Variants in PTGIS observed in about 807,000 individuals in gnomAD.
The protein encoded by PTGIS is prostacyclin synthase.
Under a neutral mutation model 50.3 loss-of-function variants are expected in PTGIS, and 45 were observed. The observed-to-expected ratio is 0.90, with a 90% CI of 0.70 to 1.15. PTGIS has a LOEUF of 1.15. Among genes scored for constraint, PTGIS ranks in the 50% most tolerant of loss-of-function variants. The pLI, the probability that PTGIS is intolerant of heterozygous loss-of-function variation, is 0.00. For missense variants in PTGIS, 668 were observed against 661.3 expected (o/e 1.01, Z -0.11); for synonymous variants, 260 against 267.7 (o/e 0.97, Z 0.28).
intron 5 of PTGIS, among the ~76,000 whole-genome samples, chr20:49,536,487 TTTTTTTTTTTTG>T (rs1982077030): frequency 7.0e-6 from 1 of 142,302 alleles, no homozygotes; most frequent in Admixed American, 6.9e-5. Flanking sequence ...TCTTTTTTTT[TTTTTTTTTTTTG>T]AGACGGAGTC....
At chr20:49,534,506 A>T (rs1982022762) in intron 5 of PTGIS, among the ~76,000 whole-genome samples, 1 of 152,126 alleles carries the variant, frequency 6.6e-6, no homozygotes, top group Admixed American at 6.6e-5. Context: ...CTCTGCGTCT[A>T]ATCAGACTCC....
intron 2 of PTGIS, 98 bp from the exon 3 acceptor site, chr20:49,548,117 T>G: frequency 8.9e-7 from 1 of 1,119,324 alleles, no homozygotes; most frequent in Non-Finnish European, 1.3e-6. Flanking sequence ...ACTGCCCCAC[T>G]GGACAGTAAC....
At chr20:49,544,579 T>A in intron 3 of PTGIS, 131 bp from the exon 4 acceptor site, 2 of 921,744 alleles carry the variant, frequency 2.2e-6, no homozygotes, top group Non-Finnish European at 3.4e-6. Context: ...TGCGGAAGAG[T>A]AGCTTAAATA....
At chr20:49,546,629 T>C (rs1462157288) in intron 3 of PTGIS, among the ~76,000 whole-genome samples, 1 of 152,214 alleles carries the variant, frequency 6.6e-6, no homozygotes, top group East Asian at 1.9e-4. Flanking sequence ...GTGAAGTCAG[T>C]GGACCTGGGT....
intron 1 of PTGIS, among the ~76,000 whole-genome samples, chr20:49,564,972 CTTTT>C (rs397864477): frequency 1.5e-5 from 2 of 136,084 alleles, no homozygotes; most frequent in Non-Finnish European, 1.6e-5. Context: ...CTTGTTTGCC[CTTTT>C]TTTTTTTTTT....
intron 9 of PTGIS, 112 bp downstream of exon 9, chr20:49,510,916 G>A: frequency 2.0e-6 from 2 of 1,013,768 alleles, no homozygotes; most frequent in Non-Finnish European, 3.1e-6. Flanking sequence ...CTGTCCATGT[G>A]AAGCCTCTGC....
intron 1 of PTGIS, among the ~76,000 whole-genome samples, chr20:49,553,737 A>G (rs995127985): frequency 5.3e-5 from 8 of 151,900 alleles, no homozygotes; most frequent in African/African-American, 1.9e-4. Context: ...TGTAAAGAAA[A>G]TTATAAAGGG....
chr20:49,554,946 T>A (rs955677371), intron 1 of PTGIS, among the ~76,000 whole-genome samples: 1 of 152,194 alleles, frequency 6.6e-6, no homozygotes, highest in Non-Finnish European at 1.5e-5. Flanking sequence ...GAGCTTATTA[T>A]TTGGAAAATT....
At chr20:49,516,065 A>G (rs1981466287) in intron 6 of PTGIS, among the ~76,000 whole-genome samples, 1 of 145,824 alleles carries the variant, frequency 6.9e-6, no homozygotes, top group African/African-American at 2.6e-5. Flanking sequence ...TTTTTGGTAG[A>G]GATGGAGGTC....
At chr20:49,523,217 G>A (rs1471391691) in intron 6 of PTGIS, among the ~76,000 whole-genome samples, 2 of 152,102 alleles carry the variant, frequency 1.3e-5, no homozygotes, top group African/African-American at 2.4e-5. Flanking sequence ...ATTGGTTATT[G>A]TACTGTGGTC....
At position 49,537,430 on chromosome 20, in the gene PTGIS, A is replaced by G. The variant is rs116267475; in HGVS notation, c.673+2140T>C. Among the ~76,000 whole-genome samples the G allele has an allele frequency of 4.1e-3, 622 of 152,298 alleles. 5 individuals carry two copies. Among genetic ancestry groups the G allele is most frequent in the African/African-American group, 0.014 (592 of 41,566 alleles). On this transcript the variant is annotated intron_variant, in intron 5 of 9. Transcript: ENST00000244043. ...AGTGAAAGCTGTAAGCGGTACAACA[A>G]TTCTTCTAGTGTGATATATCTAAGT...
intron 6 of PTGIS, 63 bp downstream of exon 6, chr20:49,523,995 A>G: frequency 6.3e-7 from 1 of 1,582,768 alleles, no homozygotes; most frequent in Non-Finnish European, 8.6e-7. Context: ...GCACACACAC[A>G]TGCGTTCATA....
intron 6 of PTGIS, among the ~76,000 whole-genome samples, chr20:49,522,918 G>A (rs1240333198): frequency 1.3e-5 from 2 of 152,166 alleles, no homozygotes; most frequent in Non-Finnish European, 2.9e-5. Context: ...CAGCTATTCA[G>A]GAGGCTGAGG....
chr20:49,510,077 C>T (rs922651686), intron 9 of PTGIS, among the ~76,000 whole-genome samples: 11 of 151,690 alleles, frequency 7.3e-5, no homozygotes, highest in South Asian at 2.1e-4. Flanking sequence ...TTAGTAGAGA[C>T]GGGGTTTCAC....
intron 8 of PTGIS, 58 bp from the exon 9 acceptor site, chr20:49,511,237 A>T: frequency 6.3e-7 from 1 of 1,593,702 alleles, no homozygotes; most frequent in Non-Finnish European, 8.6e-7. Flanking sequence ...TCACACCAAG[A>T]AAAATGTATG....
At chr20:49,511,581 G>A (rs975295312) in intron 8 of PTGIS, among the ~76,000 whole-genome samples, 12 of 152,150 alleles carry the variant, frequency 7.9e-5, no homozygotes, top group African/African-American at 2.9e-4. Flanking sequence ...TTACATTTAA[G>A]TATATATTTC....
intron 9 of PTGIS, 94 bp from the exon 10 acceptor site, chr20:49,508,158 T>G (rs980002342): frequency 1.4e-6 from 2 of 1,430,100 alleles, no homozygotes; most frequent in Admixed American, 1.8e-5. Context: ...CTCCTAAGTC[T>G]GACTCCAACT....
At chr20:49,538,409 T>G (rs1601193425) in intron 5 of PTGIS, among the ~76,000 whole-genome samples, 1 of 151,776 alleles carries the variant, frequency 6.6e-6, no homozygotes, top group East Asian at 1.9e-4. Flanking sequence ...AAAAAATTGT[T>G]TTTAAGACAA....
chr20:49,535,509 T>TTTTTTG (rs1319306984), intron 5 of PTGIS, among the ~76,000 whole-genome samples: 5 of 152,046 alleles, frequency 3.3e-5, no homozygotes, highest in African/African-American at 9.7e-5. Flanking sequence ...AATGTATTGG[T>TTTTTTG]TTTTTGTTTT....
Sources: allele counts gnomAD v4.1 joint callset (sites outside exome capture counted in the v4.1 genomes callset), GRCh38; gene constraint gnomAD v4.1.1; transcripts MANE v1.5; gene names NCBI Gene and HGNC (gene_info 2026-07-23, HGNC 2026-07-21).